The following MAPKAP1 variants were observed in gnomAD, a reference collection of about 807,000 sequenced individuals.
The protein encoded by MAPKAP1 is MAPK associated protein 1, also known as target of rapamycin complex 2 subunit MAPKAP1.
Under a neutral mutation model 65.7 loss-of-function variants are expected in MAPKAP1, and 20 were observed. The observed-to-expected ratio is 0.30, with a 90% confidence interval of 0.21 to 0.44. MAPKAP1 has a LOEUF of 0.44. Among genes scored for constraint, MAPKAP1 ranks in the 20% least tolerant of loss-of-function variants. The pLI, the probability that MAPKAP1 is intolerant of heterozygous loss-of-function variation, is 1.00. For missense variants in MAPKAP1, 423 were observed against 648.0 expected, an observed-to-expected ratio of 0.65 and a Z score of 3.77; for synonymous variants, 222 against 244.3, an observed-to-expected ratio of 0.91 and a Z score of 0.85.
intron 7 of MAPKAP1, among the ~76,000 whole-genome samples, chr9:125,533,694 C>T (rs1043600015): frequency 6.6e-6 from 1 of 152,198 alleles, no homozygotes; most frequent in Non-Finnish European, 1.5e-5. Context: ...GGTGATCCGT[C>T]TGCCTTAGCC....
intron 5 of MAPKAP1, among the ~76,000 whole-genome samples, chr9:125,570,209 T>A (rs923545534): frequency 2.6e-5 from 4 of 152,076 alleles, no homozygotes; most frequent in Admixed American, 1.3e-4. Flanking sequence ...TAAAGTAAAA[T>A]AACTGGTTGT....
At chr9:125,452,554 T>A (rs1313276637) in intron 10 of MAPKAP1, among the ~76,000 whole-genome samples, 2 of 152,226 alleles carry the variant, frequency 1.3e-5, no homozygotes, top group Admixed American at 6.5e-5. Flanking sequence ...TCAGAAGCCC[T>A]TAATACTCTT....
At chr9:125,459,292 C>T (rs10986767) in intron 10 of MAPKAP1, among the ~76,000 whole-genome samples, 6 of 144,586 alleles carry the variant, frequency 4.1e-5, no homozygotes, top group South Asian at 2.2e-4. Flanking sequence ...CTTCCTAGAT[C>T]GGATGGCGGC....
At chr9:125,549,722 C>T (rs1830531049) in intron 6 of MAPKAP1, among the ~76,000 whole-genome samples, 1 of 152,142 alleles carries the variant, frequency 6.6e-6, no homozygotes, top group African/African-American at 2.4e-5. Flanking sequence ...GTCATGCCTG[C>T]TTAGCTTGCT....
chr9:125,698,134 C>T lies in MAPKAP1; in HGVS notation c.-70+8837G>A, dbSNP rs534084280. Among the ~76,000 whole-genome samples, 21 of 150,926 alleles carry T rather than the reference C, an allele frequency of 1.4e-4. No homozygotes were observed. In the East Asian group the frequency reaches 3.9e-3, roughly 28 times the overall value. ...GGTCAAGTCCTAGTTTTGCTACTCA[C>T]GCATGCGCGTTCTCGCTCTCTCTAT... On this transcript the variant is annotated intron_variant, in intron 1 of 11. Coordinates refer to ENST00000265960, the MANE Select transcript of MAPKAP1 (RefSeq NM_001006617.3).
At chr9:125,518,710 CTA>C (rs1370695010) in intron 7 of MAPKAP1, among the ~76,000 whole-genome samples, 2 of 152,096 alleles carry the variant, frequency 1.3e-5, no homozygotes, top group African/African-American at 4.8e-5. Flanking sequence ...GGGAAGAATT[CTA>C]TGATACATTA....
intron 1 of MAPKAP1, among the ~76,000 whole-genome samples, chr9:125,680,089 T>C (rs1412777203): frequency 6.9e-6 from 1 of 144,136 alleles, no homozygotes; most frequent in African/African-American, 2.8e-5. Flanking sequence ...ATGCGAGATT[T>C]TTTTTTTTTT....
chr9:125,507,382 CAGA>C (rs1419108335), intron 7 of MAPKAP1, among the ~76,000 whole-genome samples: 1 of 152,182 alleles, frequency 6.6e-6, no homozygotes, highest in Non-Finnish European at 1.5e-5. Flanking sequence ...TTTGGTCAGA[CAGA>C]AGGAGAGGTG....
chr9:125,660,405 C>G (rs1471555627), intron 3 of MAPKAP1, among the ~76,000 whole-genome samples: 1 of 152,110 alleles, frequency 6.6e-6, no homozygotes, highest in African/African-American at 2.4e-5. Context: ...AATATCTGTA[C>G]ATTTCACCGA....
At chr9:125,693,742 TATATATACAC>T (rs1243695224) in intron 1 of MAPKAP1, among the ~76,000 whole-genome samples, 2 of 126,492 alleles carry the variant, frequency 1.6e-5, no homozygotes, top group African/African-American at 4.2e-5. Flanking sequence ...TATATACACG[TATATATACAC>T]ATATATACAC....
intron 7 of MAPKAP1, among the ~76,000 whole-genome samples, chr9:125,516,894 A>T (rs1445882839): frequency 6.6e-6 from 1 of 152,182 alleles, no homozygotes; most frequent in African/African-American, 2.4e-5. Context: ...TTTGAAAACA[A>T]GTCAAATATT....
intron 5 of MAPKAP1, among the ~76,000 whole-genome samples, chr9:125,567,370 A>G (rs1831089240): frequency 1.3e-5 from 2 of 152,338 alleles, no homozygotes; most frequent in Middle Eastern, 3.4e-3. Flanking sequence ...GGAGCCAGCT[A>G]AAACCCACTG....
intron 9 of MAPKAP1, among the ~76,000 whole-genome samples, chr9:125,482,416 T>C (rs1854353968): frequency 6.6e-6 from 1 of 152,230 alleles, no homozygotes; most frequent in African/African-American, 2.4e-5. Flanking sequence ...CTTTTATTTA[T>C]TTTTGAGAAC....
chr9:125,625,632 T>C (rs1833095415), intron 4 of MAPKAP1, among the ~76,000 whole-genome samples: 1 of 152,090 alleles, frequency 6.6e-6, no homozygotes, highest in African/African-American at 2.4e-5. Context: ...CCATCTCTAC[T>C]AAAAATACAA....
chr9:125,693,456 C>T (rs1398636564), intron 1 of MAPKAP1, among the ~76,000 whole-genome samples: 4 of 149,018 alleles, frequency 2.7e-5, no homozygotes, highest in Non-Finnish European at 3.0e-5. Flanking sequence ...CACACACACA[C>T]ATACATGTAT....
intron 4 of MAPKAP1, among the ~76,000 whole-genome samples, chr9:125,607,645 T>C (rs1229846399): frequency 8.9e-6 from 1 of 111,862 alleles, no homozygotes; most frequent in Non-Finnish European, 2.1e-5. Flanking sequence ...ACTTTGCTTT[T>C]ATTTTTTATT....
At chr9:125,458,400 T>G (rs924162985) in intron 10 of MAPKAP1, among the ~76,000 whole-genome samples, 1 of 151,872 alleles carries the variant, frequency 6.6e-6, no homozygotes, top group Admixed American at 6.6e-5. Context: ...TACTTGAGAT[T>G]AGGGAGTGGT....
At chr9:125,463,205 G>A (rs1323284678) in intron 10 of MAPKAP1, among the ~76,000 whole-genome samples, 1 of 152,204 alleles carries the variant, frequency 6.6e-6, no homozygotes, top group Non-Finnish European at 1.5e-5. Context: ...GTGCAACAAT[G>A]GAACGGGAAG....
chr9:125,677,735 T>C (rs2416967), intron 1 of MAPKAP1, among the ~76,000 whole-genome samples: 46,885 of 151,934 alleles, frequency 0.31, 8,063 homozygotes, highest in Middle Eastern at 0.39. Context: ...CCTTTTTACA[T>C]ACCTTTAGGC....
Sources: gnomAD v4.1 joint callset for allele counts (sites outside exome capture counted in the v4.1 genomes callset) on GRCh38, gnomAD v4.1.1 for gene constraint, MANE v1.5 for transcripts, NCBI Gene and HGNC (gene_info 2026-07-23, HGNC 2026-07-21) for gene names.